The following FGF14 variants were observed in gnomAD, a reference collection of about 807,000 sequenced individuals.
FGF14 encodes fibroblast growth factor homologous factor 4.
FGF14 carries 5 observed loss-of-function variants against 25.5 expected under a neutral mutation model. The ratio of observed to expected loss-of-function variants is 0.20; its 90% CI spans 0.10 to 0.41. The LOEUF is 0.41. FGF14 is among the 10% of genes least tolerant of loss of function. The probability of loss-of-function intolerance (pLI) is 1.00; values close to 1 mark genes in which losing one functional copy is unlikely to be tolerated. For missense variants in FGF14, 222 were observed against 320.1 expected (o/e 0.69, Z 2.34); for synonymous variants, 138 against 118.3 (o/e 1.17, Z -1.08).
chr13:102,173,334 T>C (rs1023945871), intron 1 of FGF14, among the ~76,000 whole-genome samples: 5 of 152,002 alleles, frequency 3.3e-5, no homozygotes, highest in African/African-American at 9.7e-5. Flanking sequence ...ATAAAAAGCA[T>C]TGGTGAGGAC....
At chr13:102,191,166 A>G (rs1367234470) in intron 1 of FGF14, among the ~76,000 whole-genome samples, 1 of 152,208 alleles carries the variant, frequency 6.6e-6, no homozygotes, top group African/African-American at 2.4e-5. Context: ...TCCCCAGGAC[A>G]TCGGTCAAAA....
intron 3 of FGF14, among the ~76,000 whole-genome samples, chr13:101,753,707 G>A (rs986657915): frequency 3.3e-5 from 5 of 151,842 alleles, no homozygotes; most frequent in Admixed American, 1.3e-4. Context: ...AGAGGCTGAA[G>A]CAGGAGAATT....
At chr13:102,275,266 C>CTCTCTCTT (rs2053476843) in intron 1 of FGF14, among the ~76,000 whole-genome samples, 1 of 150,348 alleles carries the variant, frequency 6.7e-6, no homozygotes, top group East Asian at 2.0e-4. Flanking sequence ...CTCTCTTTCT[C>CTCTCTCTT]TCTCTCTCTC....
chr13:102,284,950 T>C (rs2054022134), intron 1 of FGF14, among the ~76,000 whole-genome samples: 1 of 152,168 alleles, frequency 6.6e-6, no homozygotes, highest in East Asian at 1.9e-4. Context: ...TCTCCCTCCC[T>C]CTTTCTCTTT....
intron 1 of FGF14, chr13:102,373,810 G>C (rs746741882): frequency 8.5e-5 from 13 of 152,114 alleles, no homozygotes; most frequent in Non-Finnish European, 1.5e-4. Context: ...ACATTTTGTA[G>C]AGATCTTGTA....
chr13:102,064,818 G>C (rs559944662), intron 1 of FGF14, among the ~76,000 whole-genome samples: 1 of 151,978 alleles, frequency 6.6e-6, no homozygotes, highest in Non-Finnish European at 1.5e-5. Context: ...ATGATTTAAA[G>C]TATATTGAAG....
At chr13:102,017,066 A>T (rs2040385517) in intron 1 of FGF14, 1 of 162,160 alleles carries the variant, frequency 6.2e-6, no homozygotes, top group Non-Finnish European at 1.3e-5. Flanking sequence ...CCTTCAGACC[A>T]GCCTGTTTTT....
Position 102,270,120 on chromosome 13 carries a change from T to C in FGF14, c.208+131351A>G, listed in dbSNP as rs544248950. The stretch of plus-strand genomic sequence containing the variant: ...TAAAGTTGTAAAATTTTAAGTAAAA[T>C]GATGTTATAAAAGTATTACATGCTG... On this transcript the variant is annotated intron_variant, in intron 1 of 4. Coordinates refer to the FGF14 transcript ENST00000376131. Among the ~76,000 whole-genome samples the C allele has an allele frequency of 4.2e-4, 64 of 152,016 alleles. 1 individual carries two copies. The highest frequency in any genetic ancestry group is 4.2e-3 in the Admixed American group (64 of 15,250).
intron 1 of FGF14, among the ~76,000 whole-genome samples, chr13:101,997,727 A>G (rs183938391): frequency 4.9e-4 from 74 of 152,314 alleles, no homozygotes; most frequent in African/African-American, 1.7e-3. Flanking sequence ...AGAAGTCTAC[A>G]GAGTTTGGGA....
intron 1 of FGF14, among the ~76,000 whole-genome samples, chr13:102,262,356 C>T (rs988804131): frequency 1.3e-5 from 2 of 152,038 alleles, no homozygotes; most frequent in Non-Finnish European, 2.9e-5. Context: ...TTGCTTGGAC[C>T]TCCCTTTCAA....
intron 3 of FGF14, among the ~76,000 whole-genome samples, chr13:101,770,627 TG>T (rs1403777994): frequency 1.3e-5 from 2 of 152,124 alleles, no homozygotes; most frequent in African/African-American, 4.8e-5. Context: ...AAGAAAGAAA[TG>T]TCAATTATAT....
chr13:102,048,659 C>A (rs1041913592), intron 1 of FGF14, among the ~76,000 whole-genome samples: 4 of 152,118 alleles, frequency 2.6e-5, no homozygotes, highest in Non-Finnish European at 4.4e-5. Context: ...TGATGCTGCA[C>A]CTGTGTGAGA....
intron 1 of FGF14, among the ~76,000 whole-genome samples, chr13:102,334,036 C>A (rs1036378210): frequency 6.6e-6 from 1 of 152,182 alleles, no homozygotes; most frequent in South Asian, 2.1e-4. Flanking sequence ...TAGAGGCCAT[C>A]TGTTCAGGTC....
chr13:101,850,389 G>C (rs982541467), intron 3 of FGF14, among the ~76,000 whole-genome samples: 1 of 141,734 alleles, frequency 7.1e-6, no homozygotes, highest in Non-Finnish European at 1.5e-5. Flanking sequence ...AGGAGGTGGA[G>C]GTTGCAGTGA....
rs995802891 is a variant in FGF14 at position 101,718,556 on chromosome 13, T to A, written c.*4275A>T. 1 of 137,082 alleles carries A rather than the reference T, an allele frequency of 7.3e-6. No individual in the cohort carries two copies. The highest frequency in any genetic ancestry group is 1.6e-5 in the Non-Finnish European group (1 of 63,816). 8.5% of individuals were successfully genotyped at this position (137,082 alleles called of 1,614,324 possible). A position where few individuals can be genotyped will look rare whatever the true frequency, so the allele number is the denominator to read the frequency against. ...AGAAGGTGTTGGCACTAACGCTGCT[T>A]GTTTGGCAAATCATCATCACTGAGG... is the stretch of plus-strand genomic sequence containing the variant. On this transcript the variant is annotated 3_prime_UTR_variant, in exon 5 of 5. Coordinates refer to ENST00000376143, the MANE Select transcript of FGF14 (RefSeq NM_004115.4).
chr13:101,912,629 A>G (rs1444930283), intron 1 of FGF14, among the ~76,000 whole-genome samples: 5 of 152,122 alleles, frequency 3.3e-5, no homozygotes, highest in South Asian at 2.1e-4. Context: ...CTTTGTTCAT[A>G]TATTAGTTAA....
chr13:102,094,527 A>C (rs2044305529), intron 1 of FGF14, among the ~76,000 whole-genome samples: 1 of 152,148 alleles, frequency 6.6e-6, no homozygotes, highest in Admixed American at 6.6e-5. Flanking sequence ...TCCACAAAGG[A>C]CATTTCTTAG....
chr13:101,879,694 T>C (rs890523849), intron 1 of FGF14, among the ~76,000 whole-genome samples: 10 of 152,174 alleles, frequency 6.6e-5, no homozygotes, highest in African/African-American at 2.4e-4. Context: ...CACATAAATC[T>C]CAGTACTAAT....
chr13:101,801,327 T>C (rs1018534575), intron 3 of FGF14, among the ~76,000 whole-genome samples: 5 of 152,142 alleles, frequency 3.3e-5, no homozygotes, highest in African/African-American at 9.7e-5. Context: ...GCATATTCAG[T>C]ATATGCTCAA....
Sources: gnomAD v4.1 joint callset for allele counts (sites outside exome capture counted in the v4.1 genomes callset) on GRCh38, gnomAD v4.1.1 for gene constraint, MANE v1.5 for transcripts, NCBI Gene and HGNC (gene_info 2026-07-23, HGNC 2026-07-21) for gene names.